The following HEMK2 variants were observed in gnomAD, a reference collection of about 807,000 sequenced individuals.
HEMK2 encodes the protein methyltransferase HEMK2.
At chr21:28,655,957 C>T in the HEMK2 span, among the ~76,000 whole-genome samples, 3 of 152,004 alleles carry the variant, frequency 2.0e-5, no homozygotes, top group Non-Finnish European at 2.9e-5. Context: ...TCCTATCTTA[C>T]TCCTAGCCCC....
At chr21:28,715,649 G>A in the HEMK2 span, among the ~76,000 whole-genome samples, 1 of 152,176 alleles carries the variant, frequency 6.6e-6, no homozygotes, top group South Asian at 2.1e-4. Context: ...GTTTCATTAT[G>A]TCTCACTTGT....
the HEMK2 span, among the ~76,000 whole-genome samples, chr21:28,862,828 G>C: frequency 6.6e-6 from 1 of 152,164 alleles, no homozygotes; most frequent in East Asian, 1.9e-4. Context: ...TGTGACATAA[G>C]ATTTATTGAC....
At chr21:28,860,810 A>G in the HEMK2 span, among the ~76,000 whole-genome samples, 10 of 152,190 alleles carry the variant, frequency 6.6e-5, no homozygotes, top group African/African-American at 2.4e-4. Flanking sequence ...GGCTGAATTT[A>G]TTGATTTGGG....
chr21:28,877,743 A>G, the HEMK2 span, among the ~76,000 whole-genome samples: 1 of 152,152 alleles, frequency 6.6e-6, no homozygotes, highest in Non-Finnish European at 1.5e-5. Context: ...AGAAAAAGAG[A>G]GGAAAGATTA....
chr21:28,692,049 G>C, the HEMK2 span, among the ~76,000 whole-genome samples: 7 of 152,276 alleles, frequency 4.6e-5, no homozygotes, highest in East Asian at 1.3e-3. Flanking sequence ...AAGTGGTTTA[G>C]TTAAAGAATA....
chr21:28,845,145 T>C, the HEMK2 span, among the ~76,000 whole-genome samples: 1 of 152,080 alleles, frequency 6.6e-6, no homozygotes, highest in Non-Finnish European at 1.5e-5. Context: ...AAAGGTAGAA[T>C]AAAATGGTGA....
the HEMK2 span, among the ~76,000 whole-genome samples, chr21:28,606,684 T>C: frequency 3.9e-5 from 6 of 152,356 alleles, no homozygotes; most frequent in South Asian, 2.1e-4. Context: ...AAGCTATGCA[T>C]TGAGCAACGT....
the HEMK2 span, among the ~76,000 whole-genome samples, chr21:28,783,632 C>T: frequency 1.3e-5 from 2 of 152,240 alleles, no homozygotes; most frequent in South Asian, 2.1e-4. Flanking sequence ...GGCACCTCCT[C>T]GGCCTCGGCA....
chr21:28,864,751 C>T, the HEMK2 span, among the ~76,000 whole-genome samples: 2 of 151,998 alleles, frequency 1.3e-5, no homozygotes, highest in African/African-American at 4.8e-5. Flanking sequence ...CACTATTATT[C>T]TCTCAGCTGC....
chr21:28,771,655 G>C, the HEMK2 span, among the ~76,000 whole-genome samples: 1 of 151,952 alleles, frequency 6.6e-6, no homozygotes, highest in Non-Finnish European at 1.5e-5. Context: ...AATTCTCTGT[G>C]TCCATTTTAA....
At chr21:28,597,801 A>G in the HEMK2 span, among the ~76,000 whole-genome samples, 8 of 152,310 alleles carry the variant, frequency 5.3e-5, no homozygotes, top group South Asian at 6.2e-4. Context: ...AGATGGGATG[A>G]GGTTTTTTTA....
At chr21:28,760,533 A>C in the HEMK2 span, among the ~76,000 whole-genome samples, 1 of 152,218 alleles carries the variant, frequency 6.6e-6, no homozygotes, top group Admixed American at 6.5e-5. Flanking sequence ...GACTTCCTAT[A>C]AATTTTGTAA....
At chr21:28,843,539 T>C in the HEMK2 span, among the ~76,000 whole-genome samples, 3 of 152,174 alleles carry the variant, frequency 2.0e-5, no homozygotes, top group African/African-American at 4.8e-5. Context: ...AAAAAAGACA[T>C]ACTCAGTAAT....
chr21:28,765,546 T>C, the HEMK2 span, among the ~76,000 whole-genome samples: 1 of 152,158 alleles, frequency 6.6e-6, no homozygotes, highest in Non-Finnish European at 1.5e-5. Flanking sequence ...TGAATACTTT[T>C]AAACCAATAA....
At chr21:28,842,701 G>A in the HEMK2 span, among the ~76,000 whole-genome samples, 1 of 152,134 alleles carries the variant, frequency 6.6e-6, no homozygotes, top group African/African-American at 2.4e-5. Context: ...CTAAGCTAGT[G>A]CTAGTAGTCG....
chr21:28,838,972 A>AAAAAAATATATATATATATATAT, the HEMK2 span, among the ~76,000 whole-genome samples: 6 of 29,148 alleles, frequency 2.1e-4, no homozygotes, highest in Non-Finnish European at 3.4e-4. Context: ...AAAAAAAAAA[A>AAAAAAATATATATATATATATAT]ATATATATAT....
At chr21:28,732,070 C>T in the HEMK2 span, among the ~76,000 whole-genome samples, 1 of 152,228 alleles carries the variant, frequency 6.6e-6, no homozygotes, top group Non-Finnish European at 1.5e-5. Flanking sequence ...CACCCAGCCT[C>T]TCCTGCCGTT....
chr21:28,841,276 ATT>A, the HEMK2 span, among the ~76,000 whole-genome samples: 6 of 5,646 alleles, frequency 1.1e-3, 1 homozygote, highest in East Asian at 0.091. Context: ...TATATTATAT[ATT>A]ATATATAATA....
chr21:28,607,109 T>C, the HEMK2 span, among the ~76,000 whole-genome samples: 55 of 152,218 alleles, frequency 3.6e-4, no homozygotes, highest in Middle Eastern at 0.017. Context: ...ATGAATGATA[T>C]GGTAAAAACA....
Sources: allele counts gnomAD v4.1 joint callset (sites outside exome capture counted in the v4.1 genomes callset), GRCh38; gene constraint gnomAD v4.1.1; transcripts MANE v1.5; gene names NCBI Gene and HGNC (gene_info 2026-07-23, HGNC 2026-07-21).